The following MARK2 variants were observed in gnomAD, a reference collection of about 807,000 sequenced individuals.
MARK2 encodes serine/threonine-protein kinase MARK2.
MARK2 carries 16 observed loss-of-function variants against 89.8 expected under a neutral mutation model. That is an observed-to-expected ratio of 0.18 (90% CI 0.12 to 0.27). MARK2 has a LOEUF of 0.27. Ranked by LOEUF, MARK2 falls within the 10% of genes least tolerant of loss-of-function variation. The pLI is 1.00. For missense variants in MARK2, 621 were observed against 1,049.9 expected, an observed-to-expected ratio of 0.59 and a Z score of 5.65; for synonymous variants, 382 against 399.5, an observed-to-expected ratio of 0.96 and a Z score of 0.52.
At chr11:63,870,749 C>G (rs537441439) in intron 1 of MARK2, among the ~76,000 whole-genome samples, 3 of 152,206 alleles carry the variant, frequency 2.0e-5, no homozygotes, top group African/African-American at 7.2e-5. Flanking sequence ...TGAAGTGATG[C>G]AGGGATCAGG....
rs919692622 is a variant in MARK2, at chr11:63,904,358, T to C, written c.1676+211T>C. ...CCAGTTCTCCCTCTCAGAACAGGTA[T>C]GCAGGAAGCTGTCCTAAGGCTCCAA... is the stretch of plus-strand genomic sequence containing the variant. On this transcript the variant is annotated intron_variant, in intron 15 of 18. Transcript: ENST00000402010. The surrounding 1 kb of genome is among the most constrained non-coding windows in gnomAD (Gnocchi z 6.3). Among the ~76,000 whole-genome samples, 2 of 152,346 alleles carry C rather than the reference T, an allele frequency of 1.3e-5. No homozygotes were observed. Among genetic ancestry groups the C allele is most frequent in the African/African-American group, 4.8e-5 (2 of 41,578 alleles).
intron 1 of MARK2, among the ~76,000 whole-genome samples, chr11:63,861,520 G>A (rs1214571769): frequency 6.6e-6 from 1 of 152,138 alleles, no homozygotes; most frequent in African/African-American, 2.4e-5. Flanking sequence ...CCTCCTGGAT[G>A]GCCCTGTAAG....
Position 63,839,371 on chromosome 11 carries a change from G to A in MARK2, c.-136G>A, listed in dbSNP as rs1451859228. On this transcript the variant is annotated 5_prime_UTR_variant, in exon 1 of 19. Transcript: ENST00000402010. The stretch of plus-strand genomic sequence containing the variant: ...CCGGGCTGGCGTGAGCGGCTGCCCG[G>A]CCTCCCCGCACCCCCGGCCGGGGCC... 7.1e-6 allele frequency: 4 copies of A among 566,762 alleles called. No homozygotes were observed. The East Asian group carries it at 1.0e-4, about 14-fold the overall frequency. The allele number at this position is 566,762 out of a possible 1,614,324, so 35.1% of individuals were successfully genotyped here.
rs753741087 is a variant in MARK2 at position 63,901,018 on chromosome 11, A to G, written c.1050A>G (p.Arg350=). 2 of 1,614,178 alleles carry G rather than the reference A, an allele frequency of 1.2e-6. No individual in the cohort carries two copies. The highest frequency in any genetic ancestry group is 2.2e-5 in the South Asian group (2 of 91,080). The change falls in exon 11 of 19, where the codon AGA becomes AGG. Residue 350 remains arginine, a synonymous_variant. Transcript: ENST00000402010. ...EEIQDSLVGQ[R]YNEVMATYLL... ...TCCAGGACTCGCTGGTGGGCCAGAG[A>G]TACAACGAGGTGATGGCCACCTATC...
At chr11:63,868,744 C>G (rs1423212234) in intron 1 of MARK2, 3 of 455,922 alleles carry the variant, frequency 6.6e-6, no homozygotes, top group East Asian at 1.4e-4. Context: ...TCAGTCTTGC[C>G]TCTTTTTTGA....
At position 63,902,952 on chromosome 11, in the gene MARK2, C is replaced by A; in HGVS notation, c.1417-109C>A. The A allele has an allele frequency of 1.8e-6, 2 of 1,113,524 alleles. No individual in the cohort carries two copies. Among genetic ancestry groups the A allele is most frequent in the South Asian group, 1.3e-5 (1 of 77,982 alleles). The allele number at this position is 1,113,524 out of a possible 1,614,324, so 69.0% of individuals were successfully genotyped here. A position where few individuals can be genotyped will look rare whatever the true frequency, so the allele number is the denominator to read the frequency against. ...AATCCTTTCCTTAACCTACCACTGT[C>A]TGCTTCAGGTGGAAGGGACAGGAAG... On this transcript the variant is annotated intron_variant, in intron 13 of 18. Transcript: ENST00000402010. The surrounding 1 kb of genome is among the most constrained non-coding windows in gnomAD (Gnocchi z 4.2).
At chr11:63,872,763 C>A (rs1187847482) in intron 1 of MARK2, among the ~76,000 whole-genome samples, 1 of 152,106 alleles carries the variant, frequency 6.6e-6, no homozygotes, top group African/African-American at 2.4e-5. Context: ...TCTGTAGTGC[C>A]CAGAGATTGG....
chr11:63,877,517 G>A (rs771851491), intron 1 of MARK2, among the ~76,000 whole-genome samples: 19 of 151,906 alleles, frequency 1.3e-4, no homozygotes, highest in Non-Finnish European at 2.5e-4. Flanking sequence ...TGGGCAACAT[G>A]GTGAAACCCC....
Position 63,910,593 on chromosome 11 carries a change from AC to A in MARK2, c.*1359del, listed in dbSNP as rs2134240436. Reference sequence around the variant, plus strand: ...GGAGTCCTACACAGAGGCTGCCCCTACCCTCACCTGAGTTGTACATTTTTTT... The same window carrying A: ...GGAGTCCTACACAGAGGCTGCCCCTACCTCACCTGAGTTGTACATTTTTTT... On this transcript the variant is annotated 3_prime_UTR_variant, in exon 19 of 19. Transcript: ENST00000402010. 2 of 150,180 alleles carry A rather than the reference AC, an allele frequency of 1.3e-5. No individual in the cohort carries two copies. The highest frequency in any genetic ancestry group is 4.0e-4 in the East Asian group (2 of 5,056). The allele number at this position is 150,180 out of a possible 1,614,324, so 9.3% of individuals were successfully genotyped here.
Position 63,900,888 on chromosome 11 carries a change from G to A in MARK2, c.988+9G>A, listed in dbSNP as rs1376847872. 1 of 1,613,748 alleles carries A rather than the reference G, an allele frequency of 6.2e-7. No individual in the cohort carries two copies. The highest frequency in any genetic ancestry group is 1.3e-5 in the African/African-American group (1 of 75,050). ...GGACCCCCGGCGGACAGGTGAGGCT[G>A]TGCCGGGCTGTGAGGTTAAGCTTGC... On this transcript the variant is annotated intron_variant, in intron 10 of 18. Transcript: ENST00000402010. The surrounding 1 kb of genome is among the most constrained non-coding windows in gnomAD (Gnocchi z 4.7).
At chr11:63,854,843 G>A (rs1330596691) in intron 1 of MARK2, among the ~76,000 whole-genome samples, 1 of 150,202 alleles carries the variant, frequency 6.7e-6, no homozygotes, top group Non-Finnish European at 1.5e-5. Context: ...GGTATTCCAA[G>A]TGAGGAAATA....
At chr11:63,850,725 A>G (rs1174807291) in intron 1 of MARK2, among the ~76,000 whole-genome samples, 2 of 152,120 alleles carry the variant, frequency 1.3e-5, no homozygotes, top group Admixed American at 1.3e-4. Flanking sequence ...TTGAGAGTTG[A>G]GATCTGTGTG....
Position 63,888,967 on chromosome 11 carries a change from A to T in MARK2, c.55-6192A>T. On this transcript the variant is annotated intron_variant, in intron 1 of 18. Transcript: ENST00000402010. The stretch of plus-strand genomic sequence containing the variant: ...TCCTTTTCCCTTTCTCCAGTCGGGT[A>T]TGTTGTCCCCCTTTTTACTCTAGGA... 7.4e-7 allele frequency: 1 copy of T among 1,351,352 alleles called. No homozygotes were observed. The highest frequency in any genetic ancestry group is 9.8e-7 in the Non-Finnish European group (1 of 1,021,422). The allele number at this position is 1,351,352 out of a possible 1,614,324, so 83.7% of individuals were successfully genotyped here. A position where few individuals can be genotyped will look rare whatever the true frequency, so the allele number is the denominator to read the frequency against.
intron 1 of MARK2, among the ~76,000 whole-genome samples, chr11:63,867,354 T>C (rs1165680461): frequency 6.6e-6 from 1 of 152,204 alleles, no homozygotes; most frequent in Non-Finnish European, 1.5e-5. Flanking sequence ...AGCTGAGCTA[T>C]AGAACTGGTT....
chr11:63,874,665 C>T (rs185995791), intron 1 of MARK2, among the ~76,000 whole-genome samples: 194 of 152,272 alleles, frequency 1.3e-3, no homozygotes, highest in African/African-American at 4.1e-3. Flanking sequence ...GCAGGGTTTG[C>T]CCCCTCCCCT....
chr11:63,845,723 A>G (rs2016244862), intron 1 of MARK2, among the ~76,000 whole-genome samples: 1 of 151,926 alleles, frequency 6.6e-6, no homozygotes, highest in African/African-American at 2.4e-5. Flanking sequence ...ATTGAAGGTC[A>G]TTGCTCGTCT....
intron 1 of MARK2, among the ~76,000 whole-genome samples, chr11:63,849,084 G>A (rs546179813): frequency 7.2e-5 from 11 of 152,130 alleles, no homozygotes; most frequent in Non-Finnish European, 8.8e-5. Flanking sequence ...AGCCCACTGC[G>A]GCCTCAAATA....
intron 1 of MARK2, among the ~76,000 whole-genome samples, chr11:63,858,701 G>T (rs966007903): frequency 1.2e-4 from 19 of 152,306 alleles, no homozygotes; most frequent in Admixed American, 7.9e-4. Flanking sequence ...CCCACATGAA[G>T]AAAGCCATTT....
At chr11:63,878,658 C>T (rs1008312644) in intron 1 of MARK2, among the ~76,000 whole-genome samples, 1 of 151,976 alleles carries the variant, frequency 6.6e-6, no homozygotes, top group Non-Finnish European at 1.5e-5. Context: ...AGTGAGCCAC[C>T]GCACCTGGCT....
Sources: allele counts gnomAD v4.1 joint callset (sites outside exome capture counted in the v4.1 genomes callset), GRCh38; gene constraint gnomAD v4.1.1; non-coding constraint Gnocchi (gnomAD v3.1); transcripts MANE v1.5; gene names NCBI Gene and HGNC (gene_info 2026-07-23, HGNC 2026-07-21).